CRPPA: variants seen among roughly 807,000 people sequenced by gnomAD.
CRPPA encodes the protein D-ribitol-5-phosphate cytidylyltransferase.
In CRPPA, 43 loss-of-function variants were observed where a neutral mutation model predicts 52.0. The ratio of observed to expected loss-of-function variants is 0.83; its 90% CI spans 0.65 to 1.07. CRPPA has a LOEUF of 1.07. Among genes scored for constraint, CRPPA ranks in the 50% least tolerant of loss-of-function variants. The pLI, the probability that CRPPA is intolerant of heterozygous loss-of-function variation, is 0.00. For synonymous variants in CRPPA, 250 were observed against 203.5 expected (o/e 1.23, Z -1.94); for missense variants, 629 against 551.7 (o/e 1.14, Z -1.40).
chr7:16,345,219 T>A (rs903355362), intron 3 of CRPPA, among the ~76,000 whole-genome samples: 1 of 152,140 alleles, frequency 6.6e-6, no homozygotes, highest in Non-Finnish European at 1.5e-5. Context: ...AGCTAAAAGA[T>A]AAAAGACTGT....
chr7:16,286,072 T>TTTAAAAAAAAA (rs1562608567), intron 5 of CRPPA, among the ~76,000 whole-genome samples: 1 of 20,600 alleles, frequency 4.9e-5, no homozygotes, highest in African/African-American at 3.2e-4. Context: ...TATATATATA[T>TTTAAAAAAAAA]ATATATATAA....
At chr7:16,184,891 AG>A (rs1781476253) in intron 9 of CRPPA, among the ~76,000 whole-genome samples, 1 of 152,178 alleles carries the variant, frequency 6.6e-6, no homozygotes, top group South Asian at 2.1e-4. Flanking sequence ...TCTACCACTG[AG>A]GGTATACATC....
At chr7:16,134,906 AT>A (rs1782737137) in intron 9 of CRPPA, among the ~76,000 whole-genome samples, 1 of 152,162 alleles carries the variant, frequency 6.6e-6, no homozygotes, top group Non-Finnish European at 1.5e-5. Context: ...ATACTATGTA[AT>A]TTTTTTCTGA....
At chr7:16,143,514 A>G (rs1782913735) in intron 9 of CRPPA, among the ~76,000 whole-genome samples, 1 of 152,202 alleles carries the variant, frequency 6.6e-6, no homozygotes, top group South Asian at 2.1e-4. Context: ...CACTGCCTGT[A>G]CAACTGCTAC....
rs143792585 is a variant in CRPPA at position 16,255,055 on chromosome 7, C to T, written c.1119+3335G>A. ...ATTTAGAAAACCCCATCATGTCAGC[C>T]CCAAATCTCCTTAAGCTGATAAGCA... On this transcript the variant is annotated intron_variant, in intron 8 of 9. Coordinates refer to ENST00000407010, the MANE Select transcript of CRPPA (RefSeq NM_001101426.4). Among the ~76,000 whole-genome samples the T allele has an allele frequency of 6.9e-3, 1,047 of 152,076 alleles. 11 individuals carry two copies. The highest frequency in any genetic ancestry group is 0.024 in the African/African-American group (1,000 of 41,476).
intron 9 of CRPPA, among the ~76,000 whole-genome samples, chr7:16,125,772 A>G (rs564732938): frequency 1.3e-5 from 2 of 152,220 alleles, no homozygotes; most frequent in African/African-American, 4.8e-5. Flanking sequence ...TTATTTTAAA[A>G]AATTTTCAAG....
At chr7:16,299,355 T>A (rs1784740986) in intron 5 of CRPPA, among the ~76,000 whole-genome samples, 2 of 152,162 alleles carry the variant, frequency 1.3e-5, no homozygotes, top group South Asian at 4.1e-4. Flanking sequence ...CTTAATGCAA[T>A]AAAGATATTA....
At chr7:16,174,150 C>G (rs1388407043) in intron 9 of CRPPA, among the ~76,000 whole-genome samples, 3 of 152,104 alleles carry the variant, frequency 2.0e-5, no homozygotes, top group Non-Finnish European at 4.4e-5. Context: ...CTGTATGATT[C>G]CATTTACAAG....
chr7:16,384,783 G>A (rs1324851393), intron 2 of CRPPA, among the ~76,000 whole-genome samples: 1 of 152,158 alleles, frequency 6.6e-6, no homozygotes, highest in Non-Finnish European at 1.5e-5. Context: ...CATCCAAATA[G>A]GAAAGTGATA....
chr7:16,221,238 C>T (rs1782491034), intron 8 of CRPPA, among the ~76,000 whole-genome samples: 1 of 152,114 alleles, frequency 6.6e-6, no homozygotes, highest in Admixed American at 6.5e-5. Flanking sequence ...AACTGGCTAG[C>T]CATATGTAGA....
At chr7:16,212,008 C>T (rs1309082272) in intron 9 of CRPPA, among the ~76,000 whole-genome samples, 1 of 151,960 alleles carries the variant, frequency 6.6e-6, no homozygotes, top group Non-Finnish European at 1.5e-5. Flanking sequence ...GTTCTATATC[C>T]TATTTTGGAG....
rs554422587 is a variant in CRPPA, at chr7:16,289,936, A to G, written c.835+11485T>C. On this transcript the variant is annotated intron_variant, in intron 5 of 9. Transcript: ENST00000407010. ...ATATTTAGAAAAACATAATGACTCC[A>G]ACAAAAAAACTCTTAGAATTGATAT... Among the ~76,000 whole-genome samples the G allele has an allele frequency of 2.6e-5, 4 of 152,274 alleles. No individual in the cohort carries two copies. The South Asian group carries it at 8.3e-4, about 32-fold the overall frequency.
chr7:16,349,520 T>C (rs1786094824), intron 3 of CRPPA, among the ~76,000 whole-genome samples: 2 of 152,136 alleles, frequency 1.3e-5, no homozygotes, highest in Admixed American at 1.3e-4. Flanking sequence ...GTCATAAACA[T>C]GCTCACCAAG....
In CRPPA at chr7:16,087,714, C is replaced by T. The variant is rs1341901288; in HGVS notation, c.*3981G>A. 2 of 152,082 alleles carry T rather than the reference C, an allele frequency of 1.3e-5. No homozygotes were observed. Among genetic ancestry groups the T allele is most frequent in the African/African-American group, 4.8e-5 (2 of 41,422 alleles). 9.4% of individuals were successfully genotyped at this position (152,082 alleles called of 1,614,324 possible). On this transcript the variant is annotated 3_prime_UTR_variant, in exon 10 of 10. Transcript: ENST00000407010. Reference sequence around the variant, plus strand: ...CACCACCTACACAGCTACTTCTAGTCCACTGATTTTAAGCCATACTAACAA... The same window carrying T: ...CACCACCTACACAGCTACTTCTAGTTCACTGATTTTAAGCCATACTAACAA...
At chr7:16,398,053 A>C (rs1035361394) in intron 2 of CRPPA, among the ~76,000 whole-genome samples, 3 of 152,242 alleles carry the variant, frequency 2.0e-5, no homozygotes, top group African/African-American at 7.2e-5. Context: ...GTCACAGCTG[A>C]TCGAAATGAC....
chr7:16,130,262 G>A (rs971191347), intron 9 of CRPPA, among the ~76,000 whole-genome samples: 1 of 152,132 alleles, frequency 6.6e-6, no homozygotes, highest in Admixed American at 6.6e-5. Flanking sequence ...TTTCCAGGCA[G>A]GAAGAAGTAA....
intron 3 of CRPPA, among the ~76,000 whole-genome samples, chr7:16,343,528 A>AT (rs1473690742): frequency 6.6e-6 from 1 of 151,550 alleles, no homozygotes; most frequent in Non-Finnish European, 1.5e-5. Flanking sequence ...ATTTCCCAAT[A>AT]TATGTTTTTA....
chr7:16,286,087 T>TAAA (rs1206296972), intron 5 of CRPPA, among the ~76,000 whole-genome samples: 1,022 of 15,432 alleles, frequency 0.066, 127 homozygotes, highest in East Asian at 0.085. Flanking sequence ...ATATAATATT[T>TAAA]AAAAAAAAAA....
At chr7:16,325,356 G>A (rs982915508) in intron 3 of CRPPA, among the ~76,000 whole-genome samples, 1 of 152,158 alleles carries the variant, frequency 6.6e-6, no homozygotes, top group African/African-American at 2.4e-5. Flanking sequence ...TTTGTCATAA[G>A]GAAGGAAAAA....
Sources: gnomAD v4.1 joint callset for allele counts (sites outside exome capture counted in the v4.1 genomes callset) on GRCh38, gnomAD v4.1.1 for gene constraint, MANE v1.5 for transcripts, NCBI Gene and HGNC (gene_info 2026-07-23, HGNC 2026-07-21) for gene names.